The following NRXN1 variants were observed in gnomAD, a reference collection of about 807,000 sequenced individuals.
NRXN1 encodes the protein neurexin 1.
Under a neutral mutation model 150.9 loss-of-function variants are expected in NRXN1, and 39 were observed. The observed-to-expected ratio is 0.26, with a 90% confidence interval of 0.20 to 0.34. The LOEUF (loss-of-function observed/expected upper bound fraction) is 0.34, where lower values mean the gene tolerates loss of function less well. Ranked by LOEUF, NRXN1 falls within the 10% of genes least tolerant of loss-of-function variation. The pLI, the probability that NRXN1 is intolerant of heterozygous loss-of-function variation, is 1.00. For missense variants in NRXN1, 1,815 were observed against 1,949.9 expected, an observed-to-expected ratio of 0.93 and a Z score of 1.30; for synonymous variants, 924 against 757.0, an observed-to-expected ratio of 1.22 and a Z score of -3.62.
intron 21 of NRXN1, among the ~76,000 whole-genome samples, chr2:50,007,060 AG>A (rs1276622036): frequency 2.6e-5 from 4 of 152,124 alleles, no homozygotes; most frequent in Admixed American, 2.6e-4. Context: ...TCAAGGGAAC[AG>A]GCCAGGTACA....
chr2:50,130,224 C>G (rs1705269400), intron 18 of NRXN1, among the ~76,000 whole-genome samples: 1 of 152,146 alleles, frequency 6.6e-6, no homozygotes, highest in African/African-American at 2.4e-5. Context: ...TAGTGGCACA[C>G]TCCCTTTAAT....
intron 5 of NRXN1, among the ~76,000 whole-genome samples, chr2:50,890,816 G>A (rs999276476): frequency 9.9e-5 from 15 of 151,932 alleles, no homozygotes; most frequent in Admixed American, 6.6e-5. Flanking sequence ...CGACTGTAGT[G>A]AAACAACTGT....
chr2:50,461,887 C>T (rs1368332707), intron 17 of NRXN1, among the ~76,000 whole-genome samples: 1 of 151,838 alleles, frequency 6.6e-6, no homozygotes, highest in Non-Finnish European at 1.5e-5. Context: ...AATGCATTTT[C>T]CAGGTGGGGA....
chr2:50,464,613 G>A (rs953437814), intron 17 of NRXN1, among the ~76,000 whole-genome samples: 14 of 151,930 alleles, frequency 9.2e-5, no homozygotes, highest in African/African-American at 3.1e-4. Flanking sequence ...TTTAGCTTAA[G>A]TGTTGTAGCA....
intron 21 of NRXN1, among the ~76,000 whole-genome samples, chr2:49,991,885 G>T (rs1592724): frequency 2.0e-5 from 3 of 151,948 alleles, no homozygotes; most frequent in South Asian, 2.1e-4. Context: ...TATTAATGAA[G>T]GAATAGGCAA....
intron 5 of NRXN1, among the ~76,000 whole-genome samples, chr2:50,897,876 C>T (rs1401947192): frequency 6.6e-6 from 1 of 152,150 alleles, no homozygotes; most frequent in Non-Finnish European, 1.5e-5. Flanking sequence ...AAAGTGTGCA[C>T]TTTAAATGGG....
At chr2:50,447,947 A>G (rs981818613) in intron 17 of NRXN1, among the ~76,000 whole-genome samples, 3 of 151,618 alleles carry the variant, frequency 2.0e-5, no homozygotes, top group East Asian at 2.0e-4. Flanking sequence ...CATGATAATA[A>G]GCAAGTAAAG....
chr2:50,182,288 A>C (rs1389824113), intron 18 of NRXN1, among the ~76,000 whole-genome samples: 6 of 151,950 alleles, frequency 3.9e-5, no homozygotes, highest in African/African-American at 1.4e-4. Flanking sequence ...GGTACATTTC[A>C]TAAGATTTTA....
chr2:50,759,720 A>C (rs1701573179), intron 5 of NRXN1, among the ~76,000 whole-genome samples: 1 of 151,862 alleles, frequency 6.6e-6, no homozygotes, highest in Admixed American at 6.6e-5. Flanking sequence ...TGCTTATGCT[A>C]TTCCATTTTA....
At chr2:50,447,778 T>TATATATATATATAC (rs1367167277) in intron 17 of NRXN1, among the ~76,000 whole-genome samples, 1 of 118,716 alleles carries the variant, frequency 8.4e-6, no homozygotes, top group African/African-American at 3.5e-5. Context: ...TATATATATA[T>TATATATATATATAC]ACCTAATTCC....
At chr2:50,586,011 G>C (rs1573656853) in intron 8 of NRXN1, among the ~76,000 whole-genome samples, 1 of 152,188 alleles carries the variant, frequency 6.6e-6, no homozygotes, top group African/African-American at 2.4e-5. Flanking sequence ...AAATGGGCTG[G>C]TGACATGTCT....
chr2:50,243,737 G>A (rs2066247647), intron 17 of NRXN1, among the ~76,000 whole-genome samples: 1 of 151,800 alleles, frequency 6.6e-6, no homozygotes, highest in East Asian at 1.9e-4. Context: ...GGGGATCAGA[G>A]GAGGGTGAAC....
At chr2:50,518,120 A>G (rs1036373690) in intron 12 of NRXN1, among the ~76,000 whole-genome samples, 6 of 152,240 alleles carry the variant, frequency 3.9e-5, no homozygotes, top group South Asian at 2.1e-4. Context: ...AAAAACATAC[A>G]TTTTAAGAAT....
intron 5 of NRXN1, among the ~76,000 whole-genome samples, chr2:50,665,386 A>G (rs1687878714): frequency 6.6e-6 from 1 of 151,942 alleles, no homozygotes; most frequent in Admixed American, 6.6e-5. Context: ...GAATTAACTT[A>G]TTTCATGCAG....
intron 2 of NRXN1, among the ~76,000 whole-genome samples, chr2:50,952,910 T>C (rs976459429): frequency 1.3e-5 from 2 of 152,236 alleles, no homozygotes; most frequent in East Asian, 1.9e-4. Context: ...CTCAAGCTGC[T>C]AGAAGAAGTG....
At chr2:49,950,148 T>G (rs1378747066) in intron 21 of NRXN1, among the ~76,000 whole-genome samples, 1 of 151,920 alleles carries the variant, frequency 6.6e-6, no homozygotes, top group Non-Finnish European at 1.5e-5. Context: ...AATCCACTTG[T>G]AATGTGTATA....
chr2:50,918,060 T>A (rs937424541), intron 5 of NRXN1: 1 of 151,644 alleles, frequency 6.6e-6, no homozygotes, highest in African/African-American at 2.4e-5. Flanking sequence ...TACAATTAGC[T>A]TTAACAATTA....
intron 5 of NRXN1, among the ~76,000 whole-genome samples, chr2:50,909,091 G>C (rs1480146493): frequency 1.3e-5 from 2 of 152,046 alleles, no homozygotes; most frequent in Non-Finnish European, 2.9e-5. Context: ...TAGACATAAT[G>C]TTTTTAACTC....
chr2:50,057,097 A>C (rs1041350207), intron 19 of NRXN1, among the ~76,000 whole-genome samples: 3 of 152,150 alleles, frequency 2.0e-5, no homozygotes, highest in Non-Finnish European at 4.4e-5. Flanking sequence ...CCAATATCTA[A>C]TCATGTCACT....
Sources: allele counts gnomAD v4.1 joint callset (sites outside exome capture counted in the v4.1 genomes callset), GRCh38; gene constraint gnomAD v4.1.1; transcripts MANE v1.5; gene names NCBI Gene and HGNC (gene_info 2026-07-23, HGNC 2026-07-21).